The following STAG1 variants were observed in gnomAD, a reference collection of about 807,000 sequenced individuals.
The protein encoded by STAG1 is STAG1 cohesin complex component.
In STAG1, 26 loss-of-function variants were observed where a neutral mutation model predicts 170.9. The observed-to-expected ratio is 0.15, with a 90% CI of 0.11 to 0.21. The LOEUF (loss-of-function observed/expected upper bound fraction) is 0.21, where lower values mean the gene tolerates loss of function less well. Among genes scored for constraint, STAG1 ranks in the 10% least tolerant of loss-of-function variants. The pLI, the probability that STAG1 is intolerant of heterozygous loss-of-function variation, is 1.00. For missense variants in STAG1, 964 were observed against 1,509.5 expected, an observed-to-expected ratio of 0.64 and a Z score of 5.99; for synonymous variants, 514 against 497.7, an observed-to-expected ratio of 1.03 and a Z score of -0.44.
chr3:136,538,310 G>A (rs976057872), intron 6 of STAG1, among the ~76,000 whole-genome samples: 3 of 152,018 alleles, frequency 2.0e-5, no homozygotes, highest in Non-Finnish European at 4.4e-5. Flanking sequence ...GATTACCAAG[G>A]GTGGAAGGAA....
chr3:136,697,060 G>A (rs560128670), intron 1 of STAG1, among the ~76,000 whole-genome samples: 11 of 152,222 alleles, frequency 7.2e-5, no homozygotes, highest in African/African-American at 1.4e-4. Context: ...CATCTGTGGC[G>A]ATATTCTTTT....
intron 6 of STAG1, among the ~76,000 whole-genome samples, chr3:136,540,018 T>C (rs1192317573): frequency 6.6e-6 from 1 of 151,980 alleles, no homozygotes; most frequent in Non-Finnish European, 1.5e-5. Context: ...CAATGGTTCT[T>C]GTCATCAGAT....
Position 136,398,724 on chromosome 3 carries a change from TCTGCC to T in STAG1, c.2277+20_2277+24del. 1.3e-6 allele frequency: 2 copies of T among 1,500,746 alleles called. No individual in the cohort carries two copies. The highest frequency in any genetic ancestry group is 1.8e-6 in the Non-Finnish European group (2 of 1,091,892). 93.0% of individuals were successfully genotyped at this position (1,500,746 alleles called of 1,614,324 possible). A position where few individuals can be genotyped will look rare whatever the true frequency, so the allele number is the denominator to read the frequency against. ...AGGTTATTATTTCAGTAATAACCCTTCTGCCTACAGAAACTCTTACTTACTTTGGA... is the reference window on the plus strand; with the variant it reads ...AGGTTATTATTTCAGTAATAACCCTTTACAGAAACTCTTACTTACTTTGGA... On this transcript the variant is annotated intron_variant, in intron 22 of 33. Coordinates refer to ENST00000383202, the MANE Select transcript of STAG1 (RefSeq NM_005862.3).
intron 9 of STAG1, 84 bp from the exon 10 acceptor site, chr3:136,477,496 T>C (rs1162751218): frequency 7.9e-7 from 1 of 1,260,844 alleles, no homozygotes; most frequent in African/African-American, 1.5e-5. Flanking sequence ...GCAATAAATA[T>C]TTCTAATGCT....
chr3:136,433,883 T>A (rs1183085048), intron 15 of STAG1, among the ~76,000 whole-genome samples: 1 of 152,026 alleles, frequency 6.6e-6, no homozygotes, highest in African/African-American at 2.4e-5. Flanking sequence ...GAGGATAAAC[T>A]CTGGTCTCTT....
intron 7 of STAG1, among the ~76,000 whole-genome samples, chr3:136,519,320 G>A (rs1482654046): frequency 6.6e-6 from 1 of 152,032 alleles, no homozygotes; most frequent in Non-Finnish European, 1.5e-5. Context: ...GAAGCCAAAG[G>A]TTGTGCTCTA....
intron 1 of STAG1, among the ~76,000 whole-genome samples, chr3:136,746,077 C>T (rs1934922996): frequency 6.6e-6 from 1 of 152,074 alleles, no homozygotes; most frequent in African/African-American, 2.4e-5. Context: ...GCTGACTGTC[C>T]CCTTAACCAC....
At chr3:136,580,404 A>C (rs963589390) in intron 4 of STAG1, among the ~76,000 whole-genome samples, 1 of 152,218 alleles carries the variant, frequency 6.6e-6, no homozygotes, top group African/African-American at 2.4e-5. Context: ...TCAAGTTAGT[A>C]TTAAAGATTA....
intron 12 of STAG1, among the ~76,000 whole-genome samples, chr3:136,466,476 A>G (rs986951684): frequency 4.6e-5 from 7 of 152,208 alleles, no homozygotes; most frequent in Admixed American, 2.0e-4. Context: ...AGAAACGAAC[A>G]AAGCCTCCAA....
intron 6 of STAG1, among the ~76,000 whole-genome samples, chr3:136,523,291 G>C (rs914343775): frequency 6.6e-6 from 1 of 152,122 alleles, no homozygotes; most frequent in Non-Finnish European, 1.5e-5. Context: ...TCTCACTGTG[G>C]TTTTGATTTG....
intron 1 of STAG1, among the ~76,000 whole-genome samples, chr3:136,678,171 T>G (rs1489773591): frequency 1.3e-5 from 2 of 150,844 alleles, no homozygotes; most frequent in Non-Finnish European, 3.0e-5. Flanking sequence ...AAACAATTTC[T>G]ACTTTATTAA....
At chr3:136,646,734 C>T (rs748956944) in intron 1 of STAG1, among the ~76,000 whole-genome samples, 33 of 152,058 alleles carry the variant, frequency 2.2e-4, no homozygotes, top group Admixed American at 1.8e-3. Flanking sequence ...GGTGAAACTC[C>T]GTCTCCAGTA....
intron 14 of STAG1, among the ~76,000 whole-genome samples, chr3:136,443,937 T>A (rs1559804582): frequency 1.3e-5 from 2 of 152,286 alleles, no homozygotes; most frequent in East Asian, 3.9e-4. Flanking sequence ...TCCACCCCCA[T>A]TTTCTGTTGG....
In STAG1 at chr3:136,741,370, A is replaced by G. The variant is rs1318711718; in HGVS notation, c.-84+10825T>C. Among the ~76,000 whole-genome samples, 4 of 152,218 alleles carry G rather than the reference A, an allele frequency of 2.6e-5. No individual in the cohort carries two copies. In the East Asian group the frequency reaches 5.8e-4, roughly 22 times the overall value. ...ATGCCAAGTTAACTTGTCAGCCTATAAATAGGGTAAAACTTCAAACTCTTC... is the reference window on the plus strand; with the variant it reads ...ATGCCAAGTTAACTTGTCAGCCTATGAATAGGGTAAAACTTCAAACTCTTC... On this transcript the variant is annotated intron_variant, in intron 1 of 33. Transcript: ENST00000383202.
intron 1 of STAG1, among the ~76,000 whole-genome samples, chr3:136,711,125 A>T (rs1275069438): frequency 1.3e-5 from 2 of 151,962 alleles, no homozygotes; most frequent in African/African-American, 4.8e-5. Context: ...TAAATCTAAC[A>T]AAAGATATGC....
intron 23 of STAG1, among the ~76,000 whole-genome samples, chr3:136,372,760 T>C (rs989798880): frequency 2.6e-5 from 4 of 152,254 alleles, no homozygotes; most frequent in South Asian, 2.1e-4. Flanking sequence ...CAGTATTTTA[T>C]TGAGCATTTT....
intron 32 of STAG1, among the ~76,000 whole-genome samples, 193 bp from the exon 33 acceptor site, chr3:136,338,643 T>C (rs1935808074): frequency 6.6e-6 from 1 of 152,262 alleles, no homozygotes; most frequent in African/African-American, 2.4e-5. Context: ...GGCTTTTAAT[T>C]ATGTTGGCAA....
intron 1 of STAG1, among the ~76,000 whole-genome samples, chr3:136,658,300 A>C (rs1263812880): frequency 6.6e-6 from 1 of 152,112 alleles, no homozygotes; most frequent in African/African-American, 2.4e-5. Context: ...GTGTTTTGTC[A>C]AAAAAAGTAA....
At chr3:136,577,905 T>G (rs1027361254) in intron 4 of STAG1, among the ~76,000 whole-genome samples, 2 of 152,200 alleles carry the variant, frequency 1.3e-5, no homozygotes, top group Non-Finnish European at 2.9e-5. Context: ...TGAAAGTGAC[T>G]ACAACAGTTT....
Sources: allele counts gnomAD v4.1 joint callset (sites outside exome capture counted in the v4.1 genomes callset), GRCh38; gene constraint gnomAD v4.1.1; transcripts MANE v1.5; gene names NCBI Gene and HGNC (gene_info 2026-07-23, HGNC 2026-07-21).